The following PUDP variants were observed in gnomAD, a reference collection of about 807,000 sequenced individuals.
The protein encoded by PUDP is pseudouridine 5'-phosphatase.
PUDP carries 8 observed loss-of-function variants against 9.4 expected under a neutral mutation model. The observed-to-expected ratio is 0.85, with a 90% CI of 0.50 to 1.53. The LOEUF is 1.53. Among genes scored for constraint, PUDP ranks in the 40% most tolerant of loss-of-function variants. PUDP has a pLI of 0.00. For synonymous variants in PUDP, 99 were observed against 80.7 expected (o/e 1.23, Z -1.22); for missense variants, 188 against 189.7 (o/e 0.99, Z 0.05).
intron 3 of PUDP, among the ~76,000 whole-genome samples, chrX:6,827,663 C>T (rs1239464715): frequency 8.9e-6 from 1 of 111,771 alleles, no homozygotes; most frequent in African/African-American, 3.3e-5. Flanking sequence ...AACAAATGTG[C>T]TTTCCAAGCA....
rs112246793 is a variant in PUDP at position 6,978,312 on chromosome X, T to C, written c.236A>G (p.Asp79Gly). 4.1e-3 allele frequency among the ~76,000 whole-genome samples: 447 copies of C among 109,827 alleles called. 3 individuals are homozygous for C. The highest frequency in any genetic ancestry group is 0.014 in the African/African-American group (431 of 30,321). ...ATGATGGTTTTTGTGCTAAGTCCCA[T>C]CTTCAGTAGGAAATGCCATGTAATG... Residue 79 changes from aspartate to glycine, a missense_variant and NMD_transcript_variant, in exon 2 of 4, where the codon GAT becomes GGT. Coordinates refer to the PUDP transcript ENST00000655425.
At chrX:7,108,543 A>C in intron 1 of PUDP, among the ~76,000 whole-genome samples, 1 of 109,220 alleles carries the variant, frequency 9.2e-6, no homozygotes, top group Non-Finnish European at 1.9e-5. Flanking sequence ...TGGCTTCTCC[A>C]CCTCCTGATG....
intron 3 of PUDP, among the ~76,000 whole-genome samples, chrX:6,962,128 C>T (rs747747285): frequency 9.0e-6 from 1 of 111,684 alleles, no homozygotes; most frequent in Non-Finnish European, 1.9e-5. Flanking sequence ...GTTGAGCATA[C>T]AAAATTCATT....
At chrX:7,108,967 C>T (rs149061104) in intron 1 of PUDP, among the ~76,000 whole-genome samples, 3,099 of 112,271 alleles carry the variant, frequency 0.028, 41 homozygotes, top group East Asian at 0.13. Flanking sequence ...GGCTCAAAGC[C>T]CTTTAGGAGA....
At chrX:7,016,164 C>T (rs1191261376) in intron 1 of PUDP, among the ~76,000 whole-genome samples, 1 of 108,153 alleles carries the variant, frequency 9.2e-6, no homozygotes, top group African/African-American at 3.4e-5. Flanking sequence ...GACTCCATCT[C>T]TGCAAAAAAT....
intron 1 of PUDP, among the ~76,000 whole-genome samples, chrX:7,013,088 G>A (rs183918789): frequency 1.8e-5 from 2 of 111,774 alleles, no homozygotes; most frequent in East Asian, 5.6e-4. Flanking sequence ...TAAAATAAAG[G>A]TAGAACTCAA....
chrX:6,831,411 A>G (rs1926502298), intron 3 of PUDP, among the ~76,000 whole-genome samples: 1 of 112,131 alleles, frequency 8.9e-6, no homozygotes, highest in African/African-American at 3.2e-5. Context: ...CTTTGTTTCA[A>G]AGTTAAACTA....
At position 7,050,673 on chromosome X, in the gene PUDP, T is replaced by C. The variant is rs1047046855; in HGVS notation, c.511-201A>G. Among the ~76,000 whole-genome samples the C allele has an allele frequency of 4.5e-5, 5 of 112,328 alleles. No individual in the cohort carries two copies. In the Admixed American group the frequency reaches 4.7e-4, roughly 11 times the overall value. ...CCGGGGGTCTCCCCGCCGTGGCTCC[T>C]TTAAAGGGGAGAGGTTTCTGTTGCA... On this transcript the variant is annotated intron_variant, in intron 3 of 3. Coordinates refer to ENST00000381077, the MANE Select transcript of PUDP (RefSeq NM_012080.5).
chrX:6,783,539 G>A (rs1211242242), intron 3 of PUDP, among the ~76,000 whole-genome samples: 1 of 111,758 alleles, frequency 8.9e-6, no homozygotes, highest in African/African-American at 3.3e-5. Flanking sequence ...TGGATTTCGT[G>A]AGTCCCGGGA....
At chrX:6,708,116 C>T (rs1924491478) in intron 1 of PUDP, among the ~76,000 whole-genome samples, 1 of 111,766 alleles carries the variant, frequency 8.9e-6, no homozygotes, top group African/African-American at 3.3e-5. Context: ...CTTTTAGTAA[C>T]TCAAAACAAG....
chrX:6,915,759 C>A (rs1927919554), intron 3 of PUDP, among the ~76,000 whole-genome samples: 1 of 112,007 alleles, frequency 8.9e-6, no homozygotes, highest in Non-Finnish European at 1.9e-5. Context: ...TATCTAAAAT[C>A]TTCTAATATG....
At chrX:7,123,543 T>C (rs962366620) in intron 1 of PUDP, among the ~76,000 whole-genome samples, 1 of 111,914 alleles carries the variant, frequency 8.9e-6, no homozygotes, top group African/African-American at 3.2e-5. Flanking sequence ...AATAATCGCA[T>C]TGTATGTAAA....
Position 7,066,111 on chromosome X carries a change from A to G in PUDP, c.510+11109T>C, listed in dbSNP as rs141400271. ...TAGTGTATGGGGGAATAGTGACTAGATTGTATTTTTACTGGCTAGTTGTCT... is the reference window on the plus strand; with the variant it reads ...TAGTGTATGGGGGAATAGTGACTAGGTTGTATTTTTACTGGCTAGTTGTCT... On this transcript the variant is annotated intron_variant, in intron 3 of 3. Transcript: ENST00000381077. 6.6e-3 allele frequency among the ~76,000 whole-genome samples: 737 copies of G among 112,096 alleles called. 4 individuals are homozygous for G. Among genetic ancestry groups the G allele is most frequent in the African/African-American group, 0.022 (665 of 30,834 alleles).
At chrX:7,069,388 C>T (rs191428117) in intron 3 of PUDP, among the ~76,000 whole-genome samples, 2 of 111,076 alleles carry the variant, frequency 1.8e-5, no homozygotes, top group Non-Finnish European at 3.8e-5. Flanking sequence ...GTGTTCTGGA[C>T]ACGGACGTAA....
At chrX:6,728,370 GC>G (rs1924768676) in intron 3 of PUDP, among the ~76,000 whole-genome samples, 3 of 109,335 alleles carry the variant, frequency 2.7e-5, no homozygotes, top group African/African-American at 1.0e-4. Flanking sequence ...ACACATACAT[GC>G]ACACACACAC....
chrX:6,929,423 G>A (rs998678691), intron 3 of PUDP, among the ~76,000 whole-genome samples: 2 of 112,645 alleles, frequency 1.8e-5, no homozygotes, highest in African/African-American at 6.5e-5. Context: ...CCAGGTCACA[G>A]GTGGTTTTAA....
chrX:6,767,226 G>A (rs1194494889), intron 3 of PUDP, among the ~76,000 whole-genome samples: 1 of 113,021 alleles, frequency 8.8e-6, no homozygotes, highest in Non-Finnish European at 1.9e-5. Flanking sequence ...AAAGAATCTG[G>A]TCAACCATGG....
intron 3 of PUDP, among the ~76,000 whole-genome samples, chrX:6,945,940 C>A (rs754404621): frequency 1.1e-4 from 12 of 111,221 alleles, no homozygotes; most frequent in Non-Finnish European, 2.1e-4. Flanking sequence ...AGACACACCT[C>A]GTTATACCCC....
chrX:6,910,040 G>A (rs1381364246), intron 3 of PUDP, among the ~76,000 whole-genome samples: 1 of 111,931 alleles, frequency 8.9e-6, no homozygotes, highest in African/African-American at 3.3e-5. Context: ...TCATCACTAT[G>A]GGGAAGAGAG....
Sources: allele counts gnomAD v4.1 joint callset (sites outside exome capture counted in the v4.1 genomes callset), GRCh38; gene constraint gnomAD v4.1.1; transcripts MANE v1.5; gene names NCBI Gene and HGNC (gene_info 2026-07-23, HGNC 2026-07-21).